ACBD6: variants seen among roughly 807,000 people sequenced by gnomAD.
The protein encoded by ACBD6 is acyl-CoA-binding domain-containing protein 6.
ACBD6 carries 28 observed loss-of-function variants against 37.2 expected under a neutral mutation model. The observed-to-expected ratio is 0.75, with a 90% CI of 0.56 to 1.03. The LOEUF (loss-of-function observed/expected upper bound fraction) is 1.03, where lower values mean the gene tolerates loss of function less well. Among genes scored for constraint, ACBD6 ranks in the 50% least tolerant of loss-of-function variants. The probability of loss-of-function intolerance (pLI) is 0.00; values close to 1 mark genes in which losing one functional copy is unlikely to be tolerated. For synonymous variants in ACBD6, 113 were observed against 126.8 expected, an observed-to-expected ratio of 0.89 and a Z score of 0.73; for missense variants, 340 against 337.4, an observed-to-expected ratio of 1.01 and a Z score of -0.06.
chr1:180,370,071 A>T (rs949961733), intron 6 of ACBD6, among the ~76,000 whole-genome samples: 10 of 152,180 alleles, frequency 6.6e-5, no homozygotes, highest in South Asian at 2.1e-4. Flanking sequence ...GTGATGTGCC[A>T]AGTAGTATGT....
intron 6 of ACBD6, among the ~76,000 whole-genome samples, chr1:180,368,846 C>T (rs1653149197): frequency 6.6e-6 from 1 of 152,052 alleles, no homozygotes; most frequent in Admixed American, 6.5e-5. Flanking sequence ...CCTTTCCTCT[C>T]CTCTCAAAAC....
chr1:180,398,710 G>C (rs1345201845), intron 5 of ACBD6, among the ~76,000 whole-genome samples: 2 of 152,040 alleles, frequency 1.3e-5, no homozygotes, highest in Non-Finnish European at 2.9e-5. Flanking sequence ...AAGCCTACTT[G>C]GTTCAAAAGA....
chr1:180,286,014 T>TCATGTAGTATATTAATATCC (rs1649487270), downstream of ACBD6, among the ~76,000 whole-genome samples: 1 of 152,168 alleles, frequency 6.6e-6, no homozygotes, highest in Non-Finnish European at 1.5e-5. Context: ...TCAAGATATC[T>TCATGTAGTATATTAATATCC]CATGTAGTAT....
At chr1:180,425,338 T>C (rs571655109) in intron 4 of ACBD6, among the ~76,000 whole-genome samples, 2 of 152,346 alleles carry the variant, frequency 1.3e-5, no homozygotes, top group South Asian at 4.1e-4. Flanking sequence ...CCCACTTGCC[T>C]ATACCCACTT....
rs554413244 is a variant in ACBD6, at chr1:180,493,268, A to C, written c.288-903T>G. On this transcript the variant is annotated intron_variant, in intron 2 of 7. Transcript: ENST00000367595. Reference sequence around the variant, plus strand: ...GTCTCAAAAAAAAAAAAAAAAAAAAAAAAAAAAAAACAACAACAGCAACTA... The same window carrying C: ...GTCTCAAAAAAAAAAAAAAAAAAAACAAAAAAAAAACAACAACAGCAACTA... Among the ~76,000 whole-genome samples, 213 of 133,074 alleles carry C rather than the reference A, an allele frequency of 1.6e-3. 10 individuals are homozygous for C. Among genetic ancestry groups the C allele is most frequent in the African/African-American group, 5.9e-3 (178 of 30,046 alleles). The allele number at this position is 133,074 out of a possible 152,430, so 87.3% of individuals were successfully genotyped here.
chr1:180,275,653 G>C (rs1648982233), intron 9 of ACBD6: 1 of 152,182 alleles, frequency 6.6e-6, no homozygotes, highest in South Asian at 2.1e-4. Flanking sequence ...GGACAGTTTT[G>C]GTCATTTCCA....
intron 4 of ACBD6, among the ~76,000 whole-genome samples, chr1:180,415,087 A>AC (rs1486434936): frequency 6.6e-5 from 10 of 151,752 alleles, no homozygotes; most frequent in South Asian, 2.1e-4. Context: ...AAAAAAATAA[A>AC]AAAAACAAAA....
At chr1:180,279,036 CATA>C (rs1649216766) in intron 9 of ACBD6, 1 of 152,040 alleles carries the variant, frequency 6.6e-6, no homozygotes, top group Admixed American at 6.6e-5. Flanking sequence ...TTTCTCTTGA[CATA>C]AATAGAATAA....
At chr1:180,283,717 G>T (rs1023313499), downstream of ACBD6, among the ~76,000 whole-genome samples, 3 of 152,120 alleles carry the variant, frequency 2.0e-5, no homozygotes, top group South Asian at 2.1e-4. Flanking sequence ...ACACACGAAA[G>T]AAAATTTTGA....
intron 6 of ACBD6, among the ~76,000 whole-genome samples, chr1:180,331,647 T>C (rs958700034): frequency 6.6e-6 from 1 of 152,216 alleles, no homozygotes; most frequent in Admixed American, 6.5e-5. Context: ...CAGGGGGATC[T>C]GATAGAATAA....
intron 3 of ACBD6, among the ~76,000 whole-genome samples, chr1:180,431,520 ATAC>A (rs1648811559): frequency 6.6e-6 from 1 of 152,214 alleles, no homozygotes; most frequent in South Asian, 2.1e-4. Flanking sequence ...GTATTTCTTT[ATAC>A]CAAAAAAAAG....
chr1:180,294,114 C>T (rs1032748869), intron 7 of ACBD6, among the ~76,000 whole-genome samples: 2 of 151,436 alleles, frequency 1.3e-5, no homozygotes, highest in East Asian at 2.0e-4. Flanking sequence ...AGGCTGATCT[C>T]GAACTCCTGA....
chr1:180,351,582 GTTTTT>G (rs59490649), intron 6 of ACBD6, among the ~76,000 whole-genome samples: 14 of 96,984 alleles, frequency 1.4e-4, no homozygotes, highest in African/African-American at 4.3e-4. Flanking sequence ...CCGATATTAC[GTTTTT>G]TTTTTTTTTT....
intron 3 of ACBD6, among the ~76,000 whole-genome samples, chr1:180,436,543 T>A (rs1377602427): frequency 2.0e-5 from 3 of 152,200 alleles, no homozygotes; most frequent in Non-Finnish European, 4.4e-5. Flanking sequence ...TTGTGTTTTT[T>A]TGCCCTTGCA....
downstream of ACBD6, chr1:180,287,180 T>C (rs1649530525): frequency 8.5e-6 from 1 of 116,978 alleles, no homozygotes; most frequent in Non-Finnish European, 1.8e-5. Context: ...GCCTGAAAAC[T>C]GCTTGAGGCC....
intron 8 of ACBD6, among the ~76,000 whole-genome samples, chr1:180,282,972 GTTTTTTTT>G (rs34828086): frequency 6.3e-4 from 69 of 110,018 alleles, no homozygotes; most frequent in Middle Eastern, 0.012. Flanking sequence ...ATGTCTTTCT[GTTTTTTTT>G]TTTTTTTTTT....
At chr1:180,283,890 G>GGTAC (rs2149274608), downstream of ACBD6, among the ~76,000 whole-genome samples, 1 of 152,006 alleles carries the variant, frequency 6.6e-6, no homozygotes, top group South Asian at 2.1e-4. Flanking sequence ...ATGTTCAGCT[G>GGTAC]GTACGTATAT....
intron 9 of ACBD6, chr1:180,276,953 CATTT>C (rs1649073766): frequency 1.3e-5 from 2 of 152,152 alleles, no homozygotes; most frequent in Non-Finnish European, 2.9e-5. Flanking sequence ...AGGCCTTCCT[CATTT>C]ATACTAATAA....
At chr1:180,308,148 T>A (rs1012620260) in intron 7 of ACBD6, among the ~76,000 whole-genome samples, 22 of 152,228 alleles carry the variant, frequency 1.4e-4, no homozygotes, top group Admixed American at 2.6e-4. Flanking sequence ...TGTATTTTTT[T>A]AATTTACATA....
Sources: allele counts gnomAD v4.1 joint callset (sites outside exome capture counted in the v4.1 genomes callset), GRCh38; gene constraint gnomAD v4.1.1; transcripts MANE v1.5; gene names NCBI Gene and HGNC (gene_info 2026-07-23, HGNC 2026-07-21).